ST8SIA1: variants seen among roughly 807,000 people sequenced by gnomAD.
ST8SIA1 encodes ST8 alpha-N-acetyl-neuraminide alpha-2,8-sialyltransferase 1.
Under a neutral mutation model 35.9 loss-of-function variants are expected in ST8SIA1, and 16 were observed. That is an observed-to-expected ratio of 0.45 (90% confidence interval 0.30 to 0.68). The LOEUF (loss-of-function observed/expected upper bound fraction) is 0.68. ST8SIA1 is among the 30% of genes least tolerant of loss of function. The pLI, the probability that ST8SIA1 is intolerant of heterozygous loss-of-function variation, is 0.09. For synonymous variants in ST8SIA1, 170 were observed against 169.6 expected (o/e 1.00, Z -0.02); for missense variants, 383 against 453.6 (o/e 0.84, Z 1.41).
intron 1 of ST8SIA1, among the ~76,000 whole-genome samples, chr12:22,294,242 G>T (rs899763497): frequency 6.6e-6 from 1 of 151,982 alleles, no homozygotes; most frequent in African/African-American, 2.4e-5. Flanking sequence ...CTCATGGAGG[G>T]GGAATGGAGG....
chr12:22,201,365 G>A lies in ST8SIA1; in HGVS notation c.*187C>T, dbSNP rs1865046300. ...TGTGCTATAAAGTATTTCATAGGAT[G>A]TTTCATTTCTTATTTGTCCTCCAAG... On this transcript the variant is annotated 3_prime_UTR_variant, in exon 5 of 5. Coordinates refer to ENST00000396037, the MANE Select transcript of ST8SIA1 (RefSeq NM_003034.4). The A allele has an allele frequency of 1.4e-6, 1 of 708,260 alleles. No homozygotes were observed. The highest frequency in any genetic ancestry group is 2.2e-6 in the Non-Finnish European group (1 of 450,476). 43.9% of individuals were successfully genotyped at this position (708,260 alleles called of 1,614,324 possible). A position where few individuals can be genotyped will look rare whatever the true frequency, so the allele number is the denominator to read the frequency against.
At position 22,255,350 on chromosome 12, in the gene ST8SIA1, C is replaced by T; in HGVS notation, c.421G>A (p.Val141Met). ...FQLPLKKCAV[V>M]GNGGILKKSG... ...TTCTTCAGAATCCCACCATTTCCCACCACCGCGCATTTCTTCAATGGCAGC... is the reference window on the plus strand; with the variant it reads ...TTCTTCAGAATCCCACCATTTCCCATCACCGCGCATTTCTTCAATGGCAGC... Residue 141 changes from valine to methionine, a missense_variant, in exon 3 of 5, where the codon GTG (valine) becomes ATG (methionine). Physicochemically the swap from Val to Met is conservative, Grantham distance 21. Coordinates refer to ENST00000396037, the MANE Select transcript of ST8SIA1 (RefSeq NM_003034.4). The T allele has an allele frequency of 1.2e-6, 2 of 1,614,162 alleles. No homozygotes were observed. Among genetic ancestry groups the T allele is most frequent in the South Asian group, 1.1e-5 (1 of 91,074 alleles).
intron 2 of ST8SIA1, among the ~76,000 whole-genome samples, chr12:22,279,509 T>C (rs531623605): frequency 6.6e-6 from 1 of 152,348 alleles, no homozygotes; most frequent in African/African-American, 2.4e-5. Flanking sequence ...TGGCTTCTTC[T>C]GACCAGTACC....
intron 1 of ST8SIA1, among the ~76,000 whole-genome samples, chr12:22,296,474 C>G (rs1866245215): frequency 6.6e-6 from 1 of 152,208 alleles, no homozygotes; most frequent in Non-Finnish European, 1.5e-5. Context: ...CCCACCCTCT[C>G]TCACTCTTGT....
At chr12:22,204,334 A>G (rs1865083416) in intron 4 of ST8SIA1, among the ~76,000 whole-genome samples, 1 of 152,246 alleles carries the variant, frequency 6.6e-6, no homozygotes, top group Non-Finnish European at 1.5e-5. Flanking sequence ...ATATGCACAT[A>G]CATTGTGAAA....
chr12:22,257,607 C>T (rs1865742991), intron 2 of ST8SIA1, among the ~76,000 whole-genome samples: 1 of 151,670 alleles, frequency 6.6e-6, no homozygotes, highest in African/African-American at 2.4e-5. Context: ...TAGTGAGCCT[C>T]ACAGATCTCT....
intron 4 of ST8SIA1, among the ~76,000 whole-genome samples, chr12:22,231,878 T>C (rs1865425897): frequency 6.6e-6 from 1 of 152,210 alleles, no homozygotes; most frequent in African/African-American, 2.4e-5. Context: ...GTTTTACAAA[T>C]GTCAAAGTTT....
intron 1 of ST8SIA1, among the ~76,000 whole-genome samples, chr12:22,288,755 T>G (rs1394176340): frequency 1.3e-5 from 2 of 152,216 alleles, no homozygotes; most frequent in East Asian, 3.9e-4. Flanking sequence ...GAGTGTCTCT[T>G]CTTGCTCCTA....
chr12:22,332,193 T>C (rs576480857), intron 1 of ST8SIA1, among the ~76,000 whole-genome samples: 1 of 152,204 alleles, frequency 6.6e-6, no homozygotes, highest in Non-Finnish European at 1.5e-5. Context: ...GTAGTTTTCA[T>C]AGTGTGTGGA....
At chr12:22,216,010 T>C (rs572097422) in intron 4 of ST8SIA1, among the ~76,000 whole-genome samples, 23 of 152,300 alleles carry the variant, frequency 1.5e-4, no homozygotes, top group African/African-American at 5.1e-4. Context: ...CATTCCCCTT[T>C]TCTGTGCACC....
At chr12:22,285,882 A>AAAACAAAAAAAACAAAAAAAAC (rs1385983441) in intron 2 of ST8SIA1, among the ~76,000 whole-genome samples, 1 of 150,762 alleles carries the variant, frequency 6.6e-6, no homozygotes, top group African/African-American at 2.5e-5. Context: ...AAAAACAAAA[A>AAAACAAAAAAAACAAAAAAAAC]AAAAAAAAAA....
intron 2 of ST8SIA1, among the ~76,000 whole-genome samples, chr12:22,275,808 C>A (rs1865962384): frequency 6.6e-6 from 1 of 152,184 alleles, no homozygotes; most frequent in Non-Finnish European, 1.5e-5. Context: ...GGCCCTCTAT[C>A]CTGATCAGTA....
chr12:22,221,793 A>T (rs1267944397), intron 4 of ST8SIA1, among the ~76,000 whole-genome samples: 1 of 152,220 alleles, frequency 6.6e-6, no homozygotes, highest in East Asian at 1.9e-4. Flanking sequence ...GCTTATACCT[A>T]TATTAGATGT....
chr12:22,279,570 A>G (rs147567330), intron 2 of ST8SIA1, among the ~76,000 whole-genome samples: 1 of 152,346 alleles, frequency 6.6e-6, no homozygotes, highest in East Asian at 1.9e-4. Flanking sequence ...TGGGAACTTG[A>G]AGTCAATTGT....
chr12:22,237,553 T>G (rs1338166117), intron 4 of ST8SIA1, among the ~76,000 whole-genome samples: 3 of 151,386 alleles, frequency 2.0e-5, no homozygotes, highest in African/African-American at 7.3e-5. Flanking sequence ...TTTTTTCACT[T>G]AATATTAGAA....
At chr12:22,300,131 G>A (rs1030911409) in intron 1 of ST8SIA1, among the ~76,000 whole-genome samples, 2 of 151,962 alleles carry the variant, frequency 1.3e-5, no homozygotes, top group African/African-American at 4.8e-5. Context: ...TGCTTTTAAA[G>A]TCCTCGTGAA....
At chr12:22,317,559 C>T (rs1866536573) in intron 1 of ST8SIA1, among the ~76,000 whole-genome samples, 1 of 152,196 alleles carries the variant, frequency 6.6e-6, no homozygotes, top group African/African-American at 2.4e-5. Context: ...TCAACCAGAA[C>T]TGCAGTTTTT....
intron 1 of ST8SIA1, among the ~76,000 whole-genome samples, chr12:22,291,243 A>G (rs1866172113): frequency 6.6e-6 from 1 of 152,202 alleles, no homozygotes; most frequent in Non-Finnish European, 1.5e-5. Context: ...CACTCCATTA[A>G]TTATGCCTAG....
intron 1 of ST8SIA1, among the ~76,000 whole-genome samples, chr12:22,327,629 A>T (rs1437036955): frequency 1.3e-5 from 2 of 152,224 alleles, no homozygotes; most frequent in East Asian, 3.8e-4. Context: ...CTTAAAGTAT[A>T]GGGCACAGAG....
Sources: gnomAD v4.1 joint callset for allele counts (sites outside exome capture counted in the v4.1 genomes callset) on GRCh38, gnomAD v4.1.1 for gene constraint, MANE v1.5 for transcripts, NCBI Gene and HGNC (gene_info 2026-07-23, HGNC 2026-07-21) for gene names.